The following PDS5B variants were observed in gnomAD, a reference collection of about 807,000 sequenced individuals.
PDS5B encodes the protein sister chromatid cohesion protein PDS5 homolog B.
Under a neutral mutation model 184.1 loss-of-function variants are expected in PDS5B, and 51 were observed. That is an observed-to-expected ratio of 0.28 (90% CI 0.22 to 0.35). The LOEUF is 0.35. Ranked by LOEUF, PDS5B falls within the 10% of genes least tolerant of loss-of-function variation. PDS5B has a pLI of 1.00. For synonymous variants in PDS5B, 566 were observed against 569.2 expected, an observed-to-expected ratio of 0.99 and a Z score of 0.08; for missense variants, 1,180 against 1,723.3, an observed-to-expected ratio of 0.68 and a Z score of 5.58.
At chr13:32,627,981 T>A (rs556648876) in intron 1 of PDS5B, among the ~76,000 whole-genome samples, 22 of 152,326 alleles carry the variant, frequency 1.4e-4, no homozygotes, top group Admixed American at 1.3e-3. Flanking sequence ...ATATTTACTC[T>A]CTTGGCTCCT....
At chr13:32,743,974 A>G (rs1412093809) in intron 23 of PDS5B, among the ~76,000 whole-genome samples, 1 of 152,038 alleles carries the variant, frequency 6.6e-6, no homozygotes, top group African/African-American at 2.4e-5. Flanking sequence ...TTATAAATCA[A>G]TTTATTAATT....
chr13:32,725,070 C>G (rs1014337635), intron 19 of PDS5B, among the ~76,000 whole-genome samples: 3 of 152,132 alleles, frequency 2.0e-5, no homozygotes, highest in African/African-American at 4.8e-5. Context: ...TCTTGATATT[C>G]TTATTGTCAT....
At chr13:32,708,060 G>A (rs182725461) in intron 18 of PDS5B, among the ~76,000 whole-genome samples, 20 of 129,754 alleles carry the variant, frequency 1.5e-4, no homozygotes, top group Admixed American at 1.4e-3. Flanking sequence ...GCTACTCCCC[G>A]TTCCCTAGGA....
chr13:32,771,193 G>C (rs1954772764), intron 33 of PDS5B: 1 of 154,296 alleles, frequency 6.5e-6, no homozygotes, highest in African/African-American at 2.4e-5. Flanking sequence ...GAAAGTAACA[G>C]GTACCATTTT....
At chr13:32,769,833 T>G (rs749178870) in intron 31 of PDS5B, among the ~76,000 whole-genome samples, 3 of 152,222 alleles carry the variant, frequency 2.0e-5, no homozygotes, top group African/African-American at 4.8e-5. Flanking sequence ...ATGAGATAGC[T>G]CTTCACTAAA....
intron 24 of PDS5B, among the ~76,000 whole-genome samples, chr13:32,751,340 G>A (rs1953973999): frequency 6.6e-6 from 1 of 152,188 alleles, no homozygotes; most frequent in African/African-American, 2.4e-5. Context: ...TGCCTTCATG[G>A]TAGACATGAT....
rs756301581 is a variant in PDS5B at position 32,598,770 on chromosome 13, C to CTTTTT, written c.-20+12191_-20+12195dup. 1.7e-3 allele frequency among the ~76,000 whole-genome samples: 220 copies of CTTTTT among 126,330 alleles called. 1 individual carries two copies. Among genetic ancestry groups the CTTTTT allele is most frequent in the African/African-American group, 5.6e-3 (192 of 34,046 alleles). 82.9% of individuals were successfully genotyped at this position (126,330 alleles called of 152,430 possible). On this transcript the variant is annotated intron_variant, in intron 1 of 34. Transcript: ENST00000315596. ...TCTCAGTTGATGGTTTTTTTTCTCT[C>CTTTTT]TTTTTTTTTTTTTTTTTTGAGACAG...
chr13:32,619,089 C>A (rs2058258422), intron 1 of PDS5B, among the ~76,000 whole-genome samples: 1 of 152,188 alleles, frequency 6.6e-6, no homozygotes, highest in African/African-American at 2.4e-5. Flanking sequence ...GGCAAATACC[C>A]CTACCCTGTA....
At chr13:32,702,720 C>T (rs1358397651) in intron 17 of PDS5B, among the ~76,000 whole-genome samples, 2 of 152,110 alleles carry the variant, frequency 1.3e-5, no homozygotes, top group Non-Finnish European at 2.9e-5. Flanking sequence ...TGATTGCCAT[C>T]TATTTATAGT....
In PDS5B at chr13:32,777,882, A is replaced by G. The variant is rs551643272; in HGVS notation, c.*2830A>G. On this transcript the variant is annotated 3_prime_UTR_variant, in exon 35 of 35. Coordinates refer to ENST00000315596, the MANE Select transcript of PDS5B (RefSeq NM_015032.4). ...CACTTGTAAGAATGTCAGGAATTTA[A>G]GAATTTGTTTAAATTAGGCATATCT... The G allele has an allele frequency of 9.2e-5, 14 of 152,586 alleles. No individual in the cohort carries two copies. The East Asian group carries it at 2.7e-3, about 29-fold the overall frequency. 9.5% of individuals were successfully genotyped at this position (152,586 alleles called of 1,614,324 possible).
intron 1 of PDS5B, among the ~76,000 whole-genome samples, chr13:32,596,843 A>G (rs895288297): frequency 2.0e-5 from 3 of 152,086 alleles, no homozygotes; most frequent in Admixed American, 6.6e-5. Flanking sequence ...TTATCTTTTT[A>G]CTATTGATAT....
intron 11 of PDS5B, among the ~76,000 whole-genome samples, chr13:32,684,585 CTTG>C (rs1334332099): frequency 1.3e-5 from 2 of 152,156 alleles, no homozygotes; most frequent in East Asian, 3.9e-4. Context: ...AGGACTGTAT[CTTG>C]TTATGTTTGT....
At chr13:32,697,699 C>G (rs925261513) in intron 15 of PDS5B, among the ~76,000 whole-genome samples, 6 of 152,108 alleles carry the variant, frequency 3.9e-5, no homozygotes, top group African/African-American at 1.4e-4. Context: ...TGTGCTAGTC[C>G]TTTTACAAAA....
At chr13:32,712,552 AG>A (rs1434113982) in intron 19 of PDS5B, among the ~76,000 whole-genome samples, 1 of 152,228 alleles carries the variant, frequency 6.6e-6, no homozygotes, top group Admixed American at 6.5e-5. Context: ...AAGAACCTAA[AG>A]AAAAATGTAT....
chr13:32,610,268 G>A (rs947258476), intron 1 of PDS5B, among the ~76,000 whole-genome samples: 2 of 152,184 alleles, frequency 1.3e-5, no homozygotes, highest in African/African-American at 4.8e-5. Context: ...TGTTGAAGAC[G>A]TATAAATAAG....
intron 1 of PDS5B, among the ~76,000 whole-genome samples, chr13:32,602,521 A>C (rs948232541): frequency 6.6e-6 from 1 of 151,996 alleles, no homozygotes; most frequent in African/African-American, 2.4e-5. Context: ...GGTTGGTTCT[A>C]AGTGTTTGTA....
Position 32,741,082 on chromosome 13 carries a change from T to A in PDS5B, c.2409T>A (p.Leu803=). Reference sequence around the variant, plus strand: ...TTTTTTTTCTCGTTTATTTTTAGCTTCCAGGGAAAAAGACAACTAAACTTT... The same window carrying A: ...TTTTTTTTCTCGTTTATTTTTAGCTACCAGGGAAAAAGACAACTAAACTTT... ...IVKDLLMNDR[L]PGKKTTKLWV... The change falls in exon 22 of 35, where the codon CTT becomes CTA. Residue 803 remains leucine (L), a splice_region_variant and synonymous_variant. Transcript: ENST00000315596. 6.5e-7 allele frequency: 1 copy of A among 1,531,510 alleles called. No individual in the cohort carries two copies. The highest frequency in any genetic ancestry group is 8.9e-7 in the Non-Finnish European group (1 of 1,118,718). 94.9% of individuals were successfully genotyped at this position (1,531,510 alleles called of 1,614,324 possible).
At chr13:32,630,182 T>C (rs2058432939) in intron 1 of PDS5B, among the ~76,000 whole-genome samples, 1 of 152,226 alleles carries the variant, frequency 6.6e-6, no homozygotes, top group Non-Finnish European at 1.5e-5. Flanking sequence ...AGAATGTACA[T>C]TATCACATGC....
intron 1 of PDS5B, among the ~76,000 whole-genome samples, chr13:32,632,085 ATG>A (rs2058465338): frequency 6.6e-6 from 1 of 152,352 alleles, no homozygotes; most frequent in Admixed American, 6.5e-5. Flanking sequence ...AATGATGTAA[ATG>A]TAAGATTTAA....
Sources: gnomAD v4.1 joint callset for allele counts (sites outside exome capture counted in the v4.1 genomes callset) on GRCh38, gnomAD v4.1.1 for gene constraint, MANE v1.5 for transcripts, NCBI Gene and HGNC (gene_info 2026-07-23, HGNC 2026-07-21) for gene names.